CTNNA3: variants seen among roughly 807,000 people sequenced by gnomAD.
The protein encoded by CTNNA3 is catenin alpha 3.
In CTNNA3, 76 loss-of-function variants were observed where a neutral mutation model predicts 95.7. The ratio of observed to expected loss-of-function variants is 0.79; its 90% confidence interval spans 0.66 to 0.96. The LOEUF is 0.96. CTNNA3 is among the 40% of genes least tolerant of loss of function. CTNNA3 has a pLI of 0.00. For missense variants in CTNNA3, 1,191 were observed against 1,089.8 expected (o/e 1.09, Z -1.31); for synonymous variants, 431 against 374.4 (o/e 1.15, Z -1.74).
chr10:66,250,671 G>A (rs1244395273), intron 13 of CTNNA3, among the ~76,000 whole-genome samples: 3 of 75,632 alleles, frequency 4.0e-5, no homozygotes, highest in Non-Finnish European at 6.9e-5. Flanking sequence ...TATCAGTGGT[G>A]TCTTTTGCTA....
chr10:67,592,452 C>T (rs1240707442), intron 3 of CTNNA3, among the ~76,000 whole-genome samples: 1 of 152,108 alleles, frequency 6.6e-6, no homozygotes, highest in Non-Finnish European at 1.5e-5. Context: ...CACTCTCTTC[C>T]ACTCGCCGAA....
intron 7 of CTNNA3, among the ~76,000 whole-genome samples, chr10:66,975,109 A>G (rs527855334): frequency 1.7e-4 from 26 of 152,154 alleles, no homozygotes; most frequent in Non-Finnish European, 3.5e-4. Flanking sequence ...CTTTAGTCCC[A>G]TTTAAAATCG....
chr10:66,063,223 T>TATAGATATAG (rs1283986272), intron 15 of CTNNA3, among the ~76,000 whole-genome samples: 8 of 117,734 alleles, frequency 6.8e-5, no homozygotes, highest in African/African-American at 2.5e-4. Context: ...TAGATATAGA[T>TATAGATATAG]ATAGATAGAT....
intron 13 of CTNNA3, among the ~76,000 whole-genome samples, chr10:66,189,810 C>T (rs1054539721): frequency 6.6e-6 from 1 of 151,642 alleles, no homozygotes; most frequent in Non-Finnish European, 1.5e-5. Context: ...AGTATTCTTT[C>T]CTTTTCAGCC....
intron 3 of CTNNA3, among the ~76,000 whole-genome samples, chr10:67,588,398 T>C (rs1254962322): frequency 1.3e-5 from 2 of 152,084 alleles, no homozygotes; most frequent in African/African-American, 4.8e-5. Context: ...ATTGCTTGGG[T>C]GGGGCCCTTT....
At chr10:67,214,138 T>C (rs539521781) in intron 6 of CTNNA3, among the ~76,000 whole-genome samples, 29 of 151,834 alleles carry the variant, frequency 1.9e-4, no homozygotes, top group Non-Finnish European at 3.1e-4. Context: ...GATTCCAAGA[T>C]TATTTGGATT....
chr10:66,385,698 A>C (rs2092884520), intron 11 of CTNNA3, among the ~76,000 whole-genome samples: 1 of 152,054 alleles, frequency 6.6e-6, no homozygotes. Context: ...CTTAGTAAAA[A>C]ACTGGCAAAC....
chr10:67,480,937 C>T (rs1019918172), intron 5 of CTNNA3, among the ~76,000 whole-genome samples: 14 of 152,044 alleles, frequency 9.2e-5, no homozygotes, highest in African/African-American at 2.4e-4. Context: ...ATTCTAGGGA[C>T]GCAACGTTGG....
At chr10:66,752,653 T>C (rs1410823451) in intron 9 of CTNNA3, among the ~76,000 whole-genome samples, 2 of 151,976 alleles carry the variant, frequency 1.3e-5, no homozygotes, top group Non-Finnish European at 2.9e-5. Flanking sequence ...GCCATAGAAA[T>C]AGAGAACATA....
At chr10:67,019,798 C>T (rs1852881698) in intron 7 of CTNNA3, among the ~76,000 whole-genome samples, 1 of 152,128 alleles carries the variant, frequency 6.6e-6, no homozygotes, top group Admixed American at 6.6e-5. Flanking sequence ...TTTGATGCTC[C>T]TTACTCACTT....
At chr10:66,303,835 C>T (rs1377584781) in intron 12 of CTNNA3, among the ~76,000 whole-genome samples, 5 of 152,032 alleles carry the variant, frequency 3.3e-5, no homozygotes, top group South Asian at 2.1e-4. Context: ...CCTCGTGATC[C>T]GCCCACCTCG....
intron 17 of CTNNA3, among the ~76,000 whole-genome samples, chr10:65,934,581 A>C (rs2077306673): frequency 6.6e-6 from 1 of 152,172 alleles, no homozygotes; most frequent in Admixed American, 6.6e-5. Context: ...TTTGATCTTT[A>C]AAATCCAGAG....
intron 10 of CTNNA3, among the ~76,000 whole-genome samples, chr10:66,543,136 T>C (rs1841916609): frequency 6.6e-6 from 1 of 152,110 alleles, no homozygotes; most frequent in South Asian, 2.1e-4. Flanking sequence ...CTGCCCAGGC[T>C]AGAGTTCAAT....
chr10:66,994,304 G>T (rs539644672), intron 7 of CTNNA3, among the ~76,000 whole-genome samples: 1 of 152,304 alleles, frequency 6.6e-6, no homozygotes, highest in South Asian at 2.1e-4. Flanking sequence ...TTAAAAATGG[G>T]TTTGCCTGGC....
chr10:66,215,210 G>A (rs1029434709), intron 13 of CTNNA3, among the ~76,000 whole-genome samples: 2 of 152,122 alleles, frequency 1.3e-5, no homozygotes, highest in Non-Finnish European at 2.9e-5. Flanking sequence ...ACCAGGAGGC[G>A]GTGTAGGAAG....
At chr10:67,206,246 AT>A (rs1320977560) in intron 6 of CTNNA3, among the ~76,000 whole-genome samples, 1 of 152,202 alleles carries the variant, frequency 6.6e-6, no homozygotes, top group African/African-American at 2.4e-5. Flanking sequence ...TCTTGAGAAC[AT>A]GTATCTAATG....
intron 1 of CTNNA3, among the ~76,000 whole-genome samples, chr10:67,705,912 G>A (rs1201197308): frequency 6.6e-6 from 1 of 152,072 alleles, no homozygotes; most frequent in Non-Finnish European, 1.5e-5. Flanking sequence ...GCGAAGTCTG[G>A]TATAAAGAAG....
intron 7 of CTNNA3, among the ~76,000 whole-genome samples, chr10:66,962,931 C>T (rs1423501148): frequency 6.6e-6 from 1 of 152,108 alleles, no homozygotes. Context: ...ACAGATCTCT[C>T]CCCAGTGCCT....
intron 12 of CTNNA3, among the ~76,000 whole-genome samples, chr10:66,290,774 T>C (rs2091668196): frequency 1.3e-5 from 2 of 152,148 alleles, no homozygotes; most frequent in African/African-American, 4.8e-5. Flanking sequence ...GATCTCAACA[T>C]GGCTTTTGAC....
Sources: gnomAD v4.1 joint callset for allele counts (sites outside exome capture counted in the v4.1 genomes callset) on GRCh38, gnomAD v4.1.1 for gene constraint, MANE v1.5 for transcripts, NCBI Gene and HGNC (gene_info 2026-07-23, HGNC 2026-07-21) for gene names.